GALK2: variants seen among roughly 807,000 people sequenced by gnomAD.
The protein encoded by GALK2 is N-acetylgalactosamine kinase.
GALK2 carries 36 observed loss-of-function variants against 52.4 expected under a neutral mutation model. That is an observed-to-expected ratio of 0.69 (90% CI 0.53 to 0.91). The LOEUF is 0.91. GALK2 is among the 40% of genes least tolerant of loss of function. The pLI, the probability that GALK2 is intolerant of heterozygous loss-of-function variation, is 0.00. For missense variants in GALK2, 579 were observed against 559.1 expected (o/e 1.04, Z -0.36); for synonymous variants, 176 against 199.1 (o/e 0.88, Z 0.98).
At chr15:49,313,394 C>T (rs2036153689) in intron 8 of GALK2, among the ~76,000 whole-genome samples, 2 of 152,186 alleles carry the variant, frequency 1.3e-5, no homozygotes, top group Admixed American at 6.5e-5. Flanking sequence ...GGTCAGCTTG[C>T]TCTCTTCAGG....
chr15:49,336,563 T>C (rs1419657319), downstream of GALK2, among the ~76,000 whole-genome samples: 1 of 152,228 alleles, frequency 6.6e-6, no homozygotes, highest in Non-Finnish European at 1.5e-5. Context: ...TCTCTGAATA[T>C]AGTTTGCCCA....
chr15:49,188,533 A>T (rs1391651047), intron 1 of GALK2, among the ~76,000 whole-genome samples: 1 of 152,204 alleles, frequency 6.6e-6, no homozygotes, highest in African/African-American at 2.4e-5. Flanking sequence ...ATGATTCAAG[A>T]CTATCTTTCC....
At chr15:49,193,747 A>G (rs1332348387) in intron 1 of GALK2, among the ~76,000 whole-genome samples, 1 of 146,100 alleles carries the variant, frequency 6.8e-6, no homozygotes, top group Non-Finnish European at 1.5e-5. Flanking sequence ...TTTTTTTTTG[A>G]GATGGAGTCT....
At chr15:49,310,672 AT>A in intron 8 of GALK2, among the ~76,000 whole-genome samples, 1 of 152,156 alleles carries the variant, frequency 6.6e-6, no homozygotes, top group East Asian at 1.9e-4. Context: ...CCTGTTGGCC[AT>A]TTATATGTCT....
intron 4 of GALK2, among the ~76,000 whole-genome samples, chr15:49,238,409 T>G (rs945563606): frequency 6.6e-6 from 1 of 152,246 alleles, no homozygotes; most frequent in Non-Finnish European, 1.5e-5. Context: ...TCAACTTGTT[T>G]AGGGTCTGTA....
intron 5 of GALK2, among the ~76,000 whole-genome samples, chr15:49,240,998 T>C (rs1251641815): frequency 6.6e-6 from 1 of 152,142 alleles, no homozygotes; most frequent in Non-Finnish European, 1.5e-5. Context: ...ATTCAAGATC[T>C]CAGAATCAGT....
At chr15:49,352,637 T>C (rs964284367) in intron 3 of GALK2, among the ~76,000 whole-genome samples, 4 of 152,146 alleles carry the variant, frequency 2.6e-5, no homozygotes, top group African/African-American at 9.7e-5. Flanking sequence ...ATATTGAGAG[T>C]AAGCAAAAAT....
At chr15:49,273,612 C>A (rs1368574973) in intron 5 of GALK2, among the ~76,000 whole-genome samples, 1 of 151,138 alleles carries the variant, frequency 6.6e-6, no homozygotes, top group Non-Finnish European at 1.5e-5. Flanking sequence ...TGTTCATCAG[C>A]CATGTTTCAA....
At chr15:49,184,994 C>G (rs2086245119) in intron 1 of GALK2, among the ~76,000 whole-genome samples, 2 of 152,010 alleles carry the variant, frequency 1.3e-5, no homozygotes, top group South Asian at 4.1e-4. Flanking sequence ...AAATTAACTT[C>G]TACTGTTGAT....
At chr15:49,235,759 G>A (rs1042033224) in intron 3 of GALK2, 92 bp from the exon 4 acceptor site, 2 of 825,872 alleles carry the variant, frequency 2.4e-6, no homozygotes, top group African/African-American at 1.7e-5. Context: ...AGTCAGTATC[G>A]CTGTGTTGGC....
intron 3 of GALK2, among the ~76,000 whole-genome samples, chr15:49,340,329 G>A (rs1459800589): frequency 6.6e-6 from 1 of 151,994 alleles, no homozygotes; most frequent in African/African-American, 2.4e-5. Flanking sequence ...ACACGGTACA[G>A]TCCCTAATGG....
At chr15:49,174,624 A>G (rs1003210456) in intron 1 of GALK2, among the ~76,000 whole-genome samples, 3 of 152,154 alleles carry the variant, frequency 2.0e-5, no homozygotes, top group Non-Finnish European at 4.4e-5. Flanking sequence ...GATTACAGGC[A>G]TGAGCCACAG....
intron 9 of GALK2, 93 bp downstream of exon 9, chr15:49,319,898 G>A: frequency 5.5e-6 from 6 of 1,096,736 alleles, no homozygotes; most frequent in Non-Finnish European, 7.8e-6. Flanking sequence ...CTACGGGAAT[G>A]AAGATCATTC....
In GALK2 at chr15:49,328,378, A is replaced by T. The variant is rs186777348; in HGVS notation, c.*219A>T. 8.8e-4 allele frequency: 1,254 copies of T among 1,424,066 alleles called. 8 individuals are homozygous for T. The African/African-American group carries it at 0.016, about 18-fold the overall frequency. The allele number at this position is 1,424,066 out of a possible 1,614,324, so 88.2% of individuals were successfully genotyped here. A position where few individuals can be genotyped will look rare whatever the true frequency, so the allele number is the denominator to read the frequency against. ...GGTTTTACTATTAAGAGCCAAGATC[A>T]TGCTTGGACAGATCTTTTAAGAATA... On this transcript the variant is annotated 3_prime_UTR_variant, in exon 10 of 10. Coordinates refer to ENST00000560031, the MANE Select transcript of GALK2 (RefSeq NM_002044.4).
At chr15:49,356,321 G>A (rs2043161781) in intron 3 of GALK2, among the ~76,000 whole-genome samples, 1 of 150,776 alleles carries the variant, frequency 6.6e-6, no homozygotes, top group South Asian at 2.1e-4. Flanking sequence ...CCATCAGTGT[G>A]CTGTATTCAG....
intron 8 of GALK2, among the ~76,000 whole-genome samples, chr15:49,301,558 G>T (rs2035117488): frequency 6.6e-6 from 1 of 152,074 alleles, no homozygotes; most frequent in African/African-American, 2.4e-5. Context: ...AACACACATT[G>T]GAGGACAGAA....
At chr15:49,188,055 A>G (rs78505519) in intron 1 of GALK2, among the ~76,000 whole-genome samples, 2,613 of 152,156 alleles carry the variant, frequency 0.017, 99 homozygotes, top group African/African-American at 0.06. Context: ...CCCAAGGCCT[A>G]TGACAAGTAC....
intron 9 of GALK2, among the ~76,000 whole-genome samples, chr15:49,323,848 C>A (rs976841934): frequency 5.9e-5 from 9 of 152,104 alleles, no homozygotes; most frequent in African/African-American, 2.2e-4. Context: ...ACTATACTTA[C>A]AGAGTGAGGC....
At chr15:49,228,647 CTT>C (rs1193216714) in intron 3 of GALK2, among the ~76,000 whole-genome samples, 4 of 74,834 alleles carry the variant, frequency 5.3e-5, no homozygotes, top group Non-Finnish European at 7.7e-5. Flanking sequence ...TCTGTGTTCT[CTT>C]GTCTTTCACT....
Sources: gnomAD v4.1 joint callset for allele counts (sites outside exome capture counted in the v4.1 genomes callset) on GRCh38, gnomAD v4.1.1 for gene constraint, MANE v1.5 for transcripts, NCBI Gene and HGNC (gene_info 2026-07-23, HGNC 2026-07-21) for gene names.